The following MAST2 variants were observed in gnomAD, a reference collection of about 807,000 sequenced individuals.
MAST2 encodes the protein microtubule-associated serine/threonine-protein kinase 2.
MAST2 carries 70 observed loss-of-function variants against 147.4 expected under a neutral mutation model. That is an observed-to-expected ratio of 0.47 (90% CI 0.39 to 0.58). MAST2 has a LOEUF of 0.58. MAST2 is among the 20% of genes least tolerant of loss of function. MAST2 has a pLI of 0.00. For synonymous variants in MAST2, 869 were observed against 896.8 expected (o/e 0.97, Z 0.55); for missense variants, 2,080 against 2,302.3 (o/e 0.90, Z 1.98).
chr1:46,031,274 C>A lies in MAST2; in HGVS notation c.2976C>A (p.Ser992Arg). 6.5e-7 allele frequency: 1 copy of A among 1,536,570 alleles called. No individual in the cohort carries two copies. Among genetic ancestry groups the A allele is most frequent in the Non-Finnish European group, 8.8e-7 (1 of 1,138,086 alleles). Residue 992 changes from serine to arginine, a missense_variant, in exon 23 of 29, where the codon AGC becomes AGA. By Grantham distance (110) the Ser-to-Arg change is moderately radical (BLOSUM62 -1). Transcript: ENST00000361297. This position sits in a 1 kb window ranked among gnomAD's most constrained non-coding sequence, Gnocchi z 4.1. Reference sequence around the variant, plus strand: ...TGGATGAGGAAGCTGTTGGCCGGAGCAGTGGTTCCAGTCCAGGTATGGCCC... The same window carrying A: ...TGGATGAGGAAGCTGTTGGCCGGAGAAGTGGTTCCAGTCCAGGTATGGCCC... Reference protein sequence around the residue: ...PKLDEEAVGRSSGSSPAMETR... With the variant: ...PKLDEEAVGRRSGSSPAMETR...
At chr1:45,858,542 AT>A (rs1645869540) in intron 3 of MAST2, among the ~76,000 whole-genome samples, 5 of 148,652 alleles carry the variant, frequency 3.4e-5, no homozygotes, top group Non-Finnish European at 7.5e-5. Context: ...GATTGCAAAA[AT>A]TTTCCCCCAT....
intron 1 of MAST2, among the ~76,000 whole-genome samples, chr1:45,820,019 G>A (rs1644572757): frequency 6.6e-6 from 1 of 152,094 alleles, no homozygotes; most frequent in Non-Finnish European, 1.5e-5. Context: ...ACGGAATAGA[G>A]AACCCATTAA....
intron 4 of MAST2, among the ~76,000 whole-genome samples, chr1:45,905,557 A>C (rs1434210908): frequency 6.6e-6 from 1 of 152,152 alleles, no homozygotes; most frequent in Non-Finnish European, 1.5e-5. Flanking sequence ...GGCGCGGATC[A>C]CGAGCTCAGG....
In MAST2 at chr1:45,896,687, A is replaced by AC. The variant is rs1206955080; in HGVS notation, c.500+14293dup. ...GAGGCCTAACGCAGCCAACATTCTA[A>AC]CAAAAGACTGTAACTAGGGCTATGG... is the stretch of plus-strand genomic sequence containing the variant. On this transcript the variant is annotated intron_variant, in intron 4 of 28. Coordinates refer to ENST00000361297, the MANE Select transcript of MAST2 (RefSeq NM_015112.3). 7.2e-5 allele frequency among the ~76,000 whole-genome samples: 11 copies of AC among 152,332 alleles called. No individual in the cohort carries two copies. In the East Asian group the frequency reaches 2.1e-3, roughly 29 times the overall value.
chr1:45,886,235 TTA>T (rs1491176916), intron 4 of MAST2, among the ~76,000 whole-genome samples: 2 of 148,042 alleles, frequency 1.4e-5, no homozygotes, highest in African/African-American at 4.9e-5. Context: ...TATGTATATA[TTA>T]TATATATTTA....
chr1:45,943,026 G>C (rs1657530368), intron 4 of MAST2, among the ~76,000 whole-genome samples: 1 of 152,152 alleles, frequency 6.6e-6, no homozygotes, highest in South Asian at 2.1e-4. Flanking sequence ...GGAGAACACA[G>C]GGAAGGCTTC....
At chr1:46,029,383 C>A in intron 18 of MAST2, 83 bp from the exon 19 acceptor site, 1 of 1,194,330 alleles carries the variant, frequency 8.4e-7, no homozygotes, top group Non-Finnish European at 1.2e-6. Context: ...GCCTCCTTTC[C>A]TTTCACTGTT....
In MAST2 at chr1:45,829,772, G is replaced by A. The variant is rs560321990; in HGVS notation, c.468+191G>A. On this transcript the variant is annotated intron_variant, in intron 3 of 28. Coordinates refer to ENST00000361297, the MANE Select transcript of MAST2 (RefSeq NM_015112.3). Reference sequence around the variant, plus strand: ...TTGCTTTGTTGCCCAGGCTGACTTCGAACTCCTTGGCTGTAGTATTCCTAT... The same window carrying A: ...TTGCTTTGTTGCCCAGGCTGACTTCAAACTCCTTGGCTGTAGTATTCCTAT... 3.3e-5 allele frequency among the ~76,000 whole-genome samples: 5 copies of A among 151,598 alleles called. No individual in the cohort carries two copies. The South Asian group carries it at 8.4e-4, about 25-fold the overall frequency.
chr1:45,986,230 C>G (rs1644609170), intron 5 of MAST2, among the ~76,000 whole-genome samples: 2 of 152,104 alleles, frequency 1.3e-5, no homozygotes, highest in Non-Finnish European at 2.9e-5. Context: ...AAGTTTTTAT[C>G]AAAAATTATT....
chr1:46,016,703 C>T (rs901443702), intron 10 of MAST2, among the ~76,000 whole-genome samples: 4 of 152,214 alleles, frequency 2.6e-5, no homozygotes, highest in Admixed American at 6.5e-5. Context: ...GCATTCCATG[C>T]TCATGGGTAG....
intron 28 of MAST2, 116 bp from the exon 29 acceptor site, chr1:46,034,422 G>A (rs892978661): frequency 6.0e-6 from 8 of 1,331,748 alleles, no homozygotes; most frequent in Admixed American, 2.6e-5. Context: ...GATGGGGAAG[G>A]GGGTAGCTTG....
chr1:45,837,820 C>T (rs1358146962), intron 3 of MAST2, among the ~76,000 whole-genome samples: 2 of 152,082 alleles, frequency 1.3e-5, no homozygotes, highest in African/African-American at 4.8e-5. Flanking sequence ...CTCTTGTTGC[C>T]CAGGCTAAAG....
intron 4 of MAST2, among the ~76,000 whole-genome samples, chr1:45,931,821 T>C (rs1266810932): frequency 6.6e-6 from 1 of 152,074 alleles, no homozygotes; most frequent in Non-Finnish European, 1.5e-5. Flanking sequence ...GGAGAGTAGC[T>C]GGAAATACAG....
At chr1:45,892,203 G>A (rs1647913703) in intron 4 of MAST2, among the ~76,000 whole-genome samples, 1 of 152,144 alleles carries the variant, frequency 6.6e-6, no homozygotes, top group Non-Finnish European at 1.5e-5. Context: ...TTCTTGTTTA[G>A]CCCTATTCAA....
intron 5 of MAST2, among the ~76,000 whole-genome samples, chr1:45,965,166 G>A (rs1203871823): frequency 2.6e-5 from 4 of 152,198 alleles, no homozygotes; most frequent in Admixed American, 6.5e-5. Context: ...GAATAGGTGC[G>A]GTGTGGTGCT....
At chr1:45,870,531 TAA>T (rs34564164) in intron 3 of MAST2, among the ~76,000 whole-genome samples, 16 of 146,242 alleles carry the variant, frequency 1.1e-4, no homozygotes, top group African/African-American at 2.5e-4. Context: ...TATATATATA[TAA>T]AATTTTTGTT....
At position 46,035,011 on chromosome 1, in the gene MAST2, C is replaced by T; in HGVS notation, c.4342C>T (p.Pro1448Ser). 6.2e-7 allele frequency: 1 copy of T among 1,614,032 alleles called. No homozygotes were observed. Residue 1448 changes from proline to serine, a missense_variant, in exon 29 of 29, where the codon CCT (proline) becomes TCT (serine). Coordinates refer to ENST00000361297, the MANE Select transcript of MAST2 (RefSeq NM_015112.3). This position sits in a 1 kb window ranked among gnomAD's most constrained non-coding sequence, Gnocchi z 5.5. ...GGAACTGCCGCCCAGGGAAGTGAGC[C>T]CTCTGGAGGTAGTTGGAGCCAGGAG... is the stretch of plus-strand genomic sequence containing the variant. ...KKELPPREVS[P>S]LEVVGARSVL...
At chr1:45,995,716 TC>T (rs1314561960) in intron 5 of MAST2, among the ~76,000 whole-genome samples, 3 of 152,192 alleles carry the variant, frequency 2.0e-5, no homozygotes, top group Admixed American at 2.0e-4. Flanking sequence ...TGTACCCGGC[TC>T]CCTCTAAACT....
chr1:45,976,615 C>T (rs922121220), intron 5 of MAST2, among the ~76,000 whole-genome samples: 4 of 152,064 alleles, frequency 2.6e-5, no homozygotes, highest in African/African-American at 4.8e-5. Context: ...CAATTTGCTA[C>T]GGTTTTTGGC....
Sources: gnomAD v4.1 joint callset for allele counts (sites outside exome capture counted in the v4.1 genomes callset) on GRCh38, gnomAD v4.1.1 for gene constraint, Gnocchi (gnomAD v3.1) non-coding constraint, MANE v1.5 for transcripts, NCBI Gene and HGNC (gene_info 2026-07-23, HGNC 2026-07-21) for gene names.